Variants in PBX1 observed in about 807,000 individuals in gnomAD.
PBX1 encodes pre-B-cell leukemia transcription factor 1.
In PBX1, 6 loss-of-function variants were observed where a neutral mutation model predicts 53.4. The ratio of observed to expected loss-of-function variants is 0.11; its 90% CI spans 0.06 to 0.22. The LOEUF is 0.22. PBX1 is among the 10% of genes least tolerant of loss of function. The probability of loss-of-function intolerance (pLI) is 1.00; values close to 1 mark genes in which losing one functional copy is unlikely to be tolerated. For missense variants in PBX1, 251 were observed against 551.4 expected (o/e 0.46, Z 5.46); for synonymous variants, 204 against 212.3 (o/e 0.96, Z 0.34).
chr1:164,826,466 G>A (rs1670468651), intron 8 of PBX1, among the ~76,000 whole-genome samples: 1 of 151,958 alleles, frequency 6.6e-6, no homozygotes, highest in South Asian at 2.1e-4. Flanking sequence ...GTGCAGTGGT[G>A]TGATCTCAGC....
At chr1:164,581,716 C>T (rs1654629983) in intron 2 of PBX1, among the ~76,000 whole-genome samples, 1 of 152,140 alleles carries the variant, frequency 6.6e-6, no homozygotes. Context: ...GTTTAGAAAA[C>T]AATACTGTTG....
intron 2 of PBX1, among the ~76,000 whole-genome samples, chr1:164,735,432 T>A (rs986131909): frequency 6.6e-6 from 1 of 152,098 alleles, no homozygotes; most frequent in East Asian, 1.9e-4. Context: ...AAAGGCCTCA[T>A]TGATGATAGT....
At chr1:164,625,181 G>C (rs1657955279) in intron 2 of PBX1, among the ~76,000 whole-genome samples, 1 of 152,142 alleles carries the variant, frequency 6.6e-6, no homozygotes, top group South Asian at 2.1e-4. Flanking sequence ...AAAGAGGGAG[G>C]CTTGCAGTAT....
chr1:164,716,150 A>G (rs1364930879), intron 2 of PBX1, among the ~76,000 whole-genome samples: 1 of 152,206 alleles, frequency 6.6e-6, no homozygotes, highest in East Asian at 1.9e-4. Context: ...TCATACAAAA[A>G]CAATGTGTGT....
At chr1:164,813,000 T>C (rs957594482) in intron 6 of PBX1, 19 of 152,308 alleles carry the variant, frequency 1.2e-4, no homozygotes, top group African/African-American at 4.6e-4. Context: ...GGTGCACAGC[T>C]AAGAAAACTG....
At chr1:164,829,058 T>C (rs968386217) in intron 8 of PBX1, 12 of 152,232 alleles carry the variant, frequency 7.9e-5, no homozygotes, top group Non-Finnish European at 5.9e-5. Context: ...CAAATGTTTA[T>C]TGAGATCCTT....
rs1237229503 is a variant in PBX1, at chr1:164,793,809, T to TC, written c.510+1071_510+1072insC. 2.7e-5 allele frequency among the ~76,000 whole-genome samples: 4 copies of TC among 150,584 alleles called. 1 individual carries two copies. Among genetic ancestry groups the TC allele is most frequent in the African/African-American group, 4.9e-5 (2 of 41,124 alleles). ...CATTAGCTTTTCTTTTCTTTTCTTT[T>TC]TTTTCGTTTCTTCTTTTCTTTCCTT... On this transcript the variant is annotated intron_variant, in intron 3 of 8. Coordinates refer to ENST00000420696, the MANE Select transcript of PBX1 (RefSeq NM_002585.4).
chr1:164,787,418 G>A lies in PBX1; in HGVS notation c.266-5076G>A, dbSNP rs188504444. 9.5e-3 allele frequency among the ~76,000 whole-genome samples: 1,440 copies of A among 152,004 alleles called. 23 individuals carry two copies. The highest frequency in any genetic ancestry group is 0.033 in the African/African-American group (1,356 of 41,332). ...TGTGGAAGTTTGAATCTGAGCAGAG[G>A]CATTCCCCCAGCATGAACCTGGACA... is the stretch of plus-strand genomic sequence containing the variant. On this transcript the variant is annotated intron_variant, in intron 2 of 8. Transcript: ENST00000420696.
intron 3 of PBX1, among the ~76,000 whole-genome samples, chr1:164,793,631 T>C (rs1668632090): frequency 6.6e-6 from 1 of 152,118 alleles, no homozygotes; most frequent in South Asian, 2.1e-4. Flanking sequence ...ACACATCATA[T>C]AGCAATGCTA....
At chr1:164,866,605 C>G (rs942065817) in intron 2 of PBX1, among the ~76,000 whole-genome samples, 1 of 152,206 alleles carries the variant, frequency 6.6e-6, no homozygotes, top group Non-Finnish European at 1.5e-5. Context: ...CTATTCTAAC[C>G]AGAAGTGTAG....
At chr1:164,822,322 C>T (rs1188210312) in intron 8 of PBX1, among the ~76,000 whole-genome samples, 1 of 152,112 alleles carries the variant, frequency 6.6e-6, no homozygotes, top group Non-Finnish European at 1.5e-5. Context: ...GACAAGAGGG[C>T]AGCCTGGAAA....
chr1:164,776,935 G>GTGTGTGTGT (rs58061173), intron 2 of PBX1, among the ~76,000 whole-genome samples: 6 of 98,236 alleles, frequency 6.1e-5, no homozygotes, highest in African/African-American at 1.8e-4. Context: ...GTGTGTGTGT[G>GTGTGTGTGT]GTGGGAGGAG....
At chr1:164,668,467 A>G (rs1660936778) in intron 2 of PBX1, among the ~76,000 whole-genome samples, 1 of 151,546 alleles carries the variant, frequency 6.6e-6, no homozygotes, top group Non-Finnish European at 1.5e-5. Flanking sequence ...ACTTAGGATC[A>G]CCTGAGAGAG....
At chr1:164,629,400 T>C (rs545042876) in intron 2 of PBX1, among the ~76,000 whole-genome samples, 2 of 152,292 alleles carry the variant, frequency 1.3e-5, no homozygotes, top group Admixed American at 6.5e-5. Context: ...CAGGTTACCA[T>C]GTGCATTTTT....
intron 2 of PBX1, among the ~76,000 whole-genome samples, chr1:164,634,788 C>T (rs1379527596): frequency 1.3e-5 from 2 of 152,142 alleles, no homozygotes; most frequent in South Asian, 2.1e-4. Flanking sequence ...GAAATGATTA[C>T]TCTCAGTTAT....
intron 2 of PBX1, among the ~76,000 whole-genome samples, chr1:164,735,456 A>C (rs919421387): frequency 6.6e-6 from 1 of 152,240 alleles, no homozygotes; most frequent in Admixed American, 6.5e-5. Context: ...AACAAAGCTG[A>C]AAAGAGAGCA....
chr1:164,775,048 T>C (rs1667576247), intron 2 of PBX1, among the ~76,000 whole-genome samples: 1 of 152,226 alleles, frequency 6.6e-6, no homozygotes, highest in Non-Finnish European at 1.5e-5. Context: ...GGCTGGGCTC[T>C]GTGCTTCGCT....
chr1:164,735,182 A>G (rs1050978969), intron 2 of PBX1, among the ~76,000 whole-genome samples: 4 of 152,228 alleles, frequency 2.6e-5, no homozygotes, highest in Non-Finnish European at 5.9e-5. Context: ...TGTAAAATGA[A>G]CTGTTTAGAT....
intron 2 of PBX1, among the ~76,000 whole-genome samples, chr1:164,748,859 G>C (rs1392848205): frequency 6.6e-6 from 1 of 152,156 alleles, no homozygotes; most frequent in East Asian, 1.9e-4. Context: ...ACTGGGGCAG[G>C]AGCAGTGGTG....
Sources: gnomAD v4.1 joint callset for allele counts (sites outside exome capture counted in the v4.1 genomes callset) on GRCh38, gnomAD v4.1.1 for gene constraint, MANE v1.5 for transcripts, NCBI Gene and HGNC (gene_info 2026-07-23, HGNC 2026-07-21) for gene names.